Variants in PPP1R10 observed in about 807,000 individuals in gnomAD.
PPP1R10 encodes the protein protein phosphatase 1 regulatory subunit 10.
A neutral mutation model predicts 99.0 loss-of-function variants in PPP1R10; 15 were observed. The ratio of observed to expected loss-of-function variants is 0.15; its 90% CI spans 0.10 to 0.23. PPP1R10 has a LOEUF of 0.23. PPP1R10 is among the 10% of genes least tolerant of loss of function. PPP1R10 has a pLI of 1.00. For missense variants in PPP1R10, 947 were observed against 1,259.4 expected, an observed-to-expected ratio of 0.75 and a Z score of 3.75; for synonymous variants, 430 against 449.5, an observed-to-expected ratio of 0.96 and a Z score of 0.55.
At position 30,610,368 on chromosome 6, in the gene PPP1R10, G is replaced by A. The variant is rs982481612; in HGVS notation, c.-11-413C>T. 2.0e-5 allele frequency among the ~76,000 whole-genome samples: 3 copies of A among 152,158 alleles called. No individual in the cohort carries two copies. The South Asian group carries it at 6.2e-4, about 32-fold the overall frequency. Reference sequence around the variant, plus strand: ...TCTTCCCTAGTTGCTGATAAATTTGGCTTGAAAAACAGCCTATAGCTTGAT... The same window carrying A: ...TCTTCCCTAGTTGCTGATAAATTTGACTTGAAAAACAGCCTATAGCTTGAT... On this transcript the variant is annotated intron_variant, in intron 2 of 19. Transcript: ENST00000376511.
intron 2 of PPP1R10, among the ~76,000 whole-genome samples, chr6:30,615,865 GCCA>G (rs1222077406): frequency 6.6e-6 from 1 of 152,000 alleles, no homozygotes; most frequent in African/African-American, 2.4e-5. Flanking sequence ...TTCCTAGATT[GCCA>G]CCTATTTTAA....
At chr6:30,607,923 T>C (rs756282218) in intron 5 of PPP1R10, 32 bp from the exon 6 acceptor site, 2 of 1,606,066 alleles carry the variant, frequency 1.2e-6, no homozygotes, top group East Asian at 4.5e-5. Flanking sequence ...GAAAGGTAAA[T>C]GCCAGGAGGC....
At chr6:30,603,396 G>C in intron 16 of PPP1R10, 76 bp downstream of exon 16, 1 of 1,585,322 alleles carries the variant, frequency 6.3e-7, no homozygotes, top group Non-Finnish European at 8.7e-7. Flanking sequence ...CTGGGGTAAG[G>C]CGAATGGGAG....
Position 30,609,686 on chromosome 6 carries a change from C to T in PPP1R10, c.107+152G>A, listed in dbSNP as rs1804348342. ...AAACAAGTGATCATCTTTTCCTATCCCTTATCCTAAAATTGTTACATTTTA... is the reference window on the plus strand; with the variant it reads ...AAACAAGTGATCATCTTTTCCTATCTCTTATCCTAAAATTGTTACATTTTA... On this transcript the variant is annotated intron_variant, in intron 3 of 19. Transcript: ENST00000376511. The surrounding 1 kb of genome is among the most constrained non-coding windows in gnomAD (Gnocchi z 4.5). The T allele has an allele frequency of 4.4e-6, 3 of 685,538 alleles. No individual in the cohort carries two copies. Among genetic ancestry groups the T allele is most frequent in the Non-Finnish European group, 5.0e-6 (2 of 399,416 alleles). 42.5% of individuals were successfully genotyped at this position (685,538 alleles called of 1,614,324 possible). A position where few individuals can be genotyped will look rare whatever the true frequency, so the allele number is the denominator to read the frequency against.
rs1484498304 is a variant in PPP1R10 at position 30,602,977 on chromosome 6, A to G, written c.1844-18T>C. ...ATGTGGCACTGTTAATGAAAACAAG[A>G]GTAACACAGCATGAGCACTCTAGAA... is the stretch of plus-strand genomic sequence containing the variant. On this transcript the variant is annotated intron_variant, in intron 17 of 19. Coordinates refer to ENST00000376511, the MANE Select transcript of PPP1R10 (RefSeq NM_002714.4). This position sits in a 1 kb window ranked among gnomAD's most constrained non-coding sequence, Gnocchi z 6.7. The G allele has an allele frequency of 3.0e-5, 46 of 1,527,452 alleles. No homozygotes were observed. Among genetic ancestry groups the G allele is most frequent in the Non-Finnish European group, 3.3e-5 (37 of 1,133,104 alleles). The allele number at this position is 1,527,452 out of a possible 1,614,324, so 94.6% of individuals were successfully genotyped here.
At position 30,601,674 on chromosome 6, in the gene PPP1R10, CA is replaced by C. The variant is rs755639955; in HGVS notation, c.2714-17del. ...TTTGACATGTCTGTGGGAACGATGG[CA>C]AAACAGTTAGACAGGAAATAGCTGA... On this transcript the variant is annotated splice_polypyrimidine_tract_variant and intron_variant, in intron 19 of 19. Coordinates refer to ENST00000376511, the MANE Select transcript of PPP1R10 (RefSeq NM_002714.4). The C allele has an allele frequency of 1.2e-6, 2 of 1,609,432 alleles. No individual in the cohort carries two copies. Among genetic ancestry groups the C allele is most frequent in the Non-Finnish European group, 1.7e-6 (2 of 1,176,080 alleles).
At chr6:30,603,174 C>T in intron 17 of PPP1R10, 36 bp downstream of exon 17, 1 of 1,579,908 alleles carries the variant, frequency 6.3e-7, no homozygotes, top group Non-Finnish European at 8.7e-7. Flanking sequence ...TGCAGGCTTC[C>T]TCCCCCAGTC....
chr6:30,607,767 G>T lies in PPP1R10; in HGVS notation c.382+73C>A. ...AAAAGTGAAGGGACAATCCAAGGAT[G>T]GGAAAAGATATTAAGGTAATTAAGT... On this transcript the variant is annotated intron_variant, in intron 6 of 19. Transcript: ENST00000376511. 5 of 1,491,852 alleles carry T rather than the reference G, an allele frequency of 3.4e-6. No homozygotes were observed. In the South Asian group the frequency reaches 4.6e-5, roughly 14 times the overall value. The allele number at this position is 1,491,852 out of a possible 1,614,324, so 92.4% of individuals were successfully genotyped here.
At chr6:30,603,075 C>A in intron 17 of PPP1R10, 116 bp from the exon 18 acceptor site, 2 of 1,384,534 alleles carry the variant, frequency 1.4e-6, no homozygotes, top group Admixed American at 1.9e-5. Flanking sequence ...AATGCTCTCT[C>A]TGTCCAGTCT....
chr6:30,601,863 T>G (rs1582634214), intron 19 of PPP1R10, 73 bp downstream of exon 19: 2 of 1,444,500 alleles, frequency 1.4e-6, no homozygotes, highest in East Asian at 5.0e-5. Flanking sequence ...CCAACAGTAG[T>G]GACTCTCACC....
In PPP1R10 at chr6:30,604,455, T is replaced by G; in HGVS notation, c.1159A>C (p.Asn387His). ...TTCCTGCCTTTCCGGGTCAGTTGGT[T>G]AGGATCTCCAGGACTCTCCACTGGC... is the stretch of plus-strand genomic sequence containing the variant. ...AKPVESPGDPNQLTRKGRKRK... is the reference protein window; with the variant it reads ...AKPVESPGDPHQLTRKGRKRK... Residue 387 changes from asparagine (N) to histidine (H), a missense_variant, in exon 13 of 20, where the codon AAC becomes CAC. This residue lies in a region of PPP1R10 where 100 missense variants were observed against 105.8 expected (regional missense o/e 0.94). Transcript: ENST00000376511. The surrounding 1 kb of genome is among the most constrained non-coding windows in gnomAD (Gnocchi z 7.3). 6.2e-7 allele frequency: 1 copy of G among 1,613,204 alleles called. No homozygotes were observed. Among genetic ancestry groups the G allele is most frequent in the Non-Finnish European group, 8.5e-7 (1 of 1,180,020 alleles).
chr6:30,610,050 G>C (rs142201399), intron 2 of PPP1R10, 95 bp from the exon 3 acceptor site: 10 of 768,948 alleles, frequency 1.3e-5, no homozygotes, highest in Non-Finnish European at 2.3e-5. Context: ...CTCTATATTT[G>C]ACAAAGTATA....
At position 30,609,437 on chromosome 6, in the gene PPP1R10, G is replaced by A. The variant is rs1267185356; in HGVS notation, c.108-274C>T. On this transcript the variant is annotated intron_variant, in intron 3 of 19. Transcript: ENST00000376511. The surrounding 1 kb of genome is among the most constrained non-coding windows in gnomAD (Gnocchi z 4.5). ...TTCCATTCTGCCTCCAGGTGATAAG[G>A]CTATCCCTCAACAACTGTCCCTAAT... Among the ~76,000 whole-genome samples, 1 of 152,144 alleles carries A rather than the reference G, an allele frequency of 6.6e-6. No individual in the cohort carries two copies. The highest frequency in any genetic ancestry group is 1.5e-5 in the Non-Finnish European group (1 of 68,020).
At chr6:30,615,445 G>A (rs886325419) in intron 2 of PPP1R10, among the ~76,000 whole-genome samples, 2 of 152,066 alleles carry the variant, frequency 1.3e-5, no homozygotes, top group Non-Finnish European at 2.9e-5. Context: ...GAAGGACTTG[G>A]ACCCCTCTCA....
At chr6:30,615,024 G>A (rs180939603) in intron 2 of PPP1R10, among the ~76,000 whole-genome samples, 2 of 152,238 alleles carry the variant, frequency 1.3e-5, no homozygotes, top group East Asian at 1.9e-4. Context: ...GAGAGAGGAG[G>A]AAGAAAGCTG....
chr6:30,614,021 C>T (rs185665070), intron 2 of PPP1R10, among the ~76,000 whole-genome samples: 364 of 152,238 alleles, frequency 2.4e-3, no homozygotes, highest in Non-Finnish European at 4.2e-3. Flanking sequence ...GTTATACTTT[C>T]CAATTCTGCC....
At chr6:30,613,028 C>T (rs1030437170) in intron 2 of PPP1R10, among the ~76,000 whole-genome samples, 2 of 152,162 alleles carry the variant, frequency 1.3e-5, no homozygotes, top group African/African-American at 4.8e-5. Context: ...GAGGTAGCAA[C>T]CCCCTGGCCT....
chr6:30,606,392 C>T lies in PPP1R10; in HGVS notation c.634+76G>A, dbSNP rs554141174. 1.9e-6 allele frequency: 3 copies of T among 1,584,642 alleles called. No individual in the cohort carries two copies. The highest frequency in any genetic ancestry group is 2.6e-6 in the Non-Finnish European group (3 of 1,160,762). On this transcript the variant is annotated intron_variant, in intron 8 of 19. Transcript: ENST00000376511. The surrounding 1 kb of genome is among the most constrained non-coding windows in gnomAD (Gnocchi z 6.3). ...TCTTCCTTACGATTAACATACCACA[C>T]ATCAAATGATTCCCCCATAAGGCTC...
chr6:30,613,138 T>C (rs557649215), intron 2 of PPP1R10, among the ~76,000 whole-genome samples: 148 of 152,340 alleles, frequency 9.7e-4, no homozygotes, highest in African/African-American at 3.2e-3. Context: ...CTACCATTTT[T>C]ACCAGAGATA....
Sources: gnomAD v4.1 joint callset for allele counts (sites outside exome capture counted in the v4.1 genomes callset) on GRCh38, gnomAD v4.1.1 for gene constraint, gnomAD v4.1.1 regional missense constraint, Gnocchi (gnomAD v3.1) non-coding constraint, MANE v1.5 for transcripts, NCBI Gene and HGNC (gene_info 2026-07-23, HGNC 2026-07-21) for gene names.